FRAS1: variants seen among roughly 807,000 people sequenced by gnomAD.
FRAS1 encodes the protein Fraser extracellular matrix complex subunit 1.
A neutral mutation model predicts 435.2 loss-of-function variants in FRAS1; 290 were observed. The observed-to-expected ratio is 0.67, with a 90% CI of 0.61 to 0.73. FRAS1 has a LOEUF of 0.73. Among genes scored for constraint, FRAS1 ranks in the 30% least tolerant of loss-of-function variants. The pLI is 0.00. For synonymous variants in FRAS1, 1,800 were observed against 1,851.0 expected (o/e 0.97, Z 0.71); for missense variants, 4,860 against 5,001.5 (o/e 0.97, Z 0.85).
Position 78,507,469 on chromosome 4 carries a change from G to T in FRAS1, c.9365G>T (p.Arg3122Leu). ...FKVEILSNEDREWHESFSLVL... is the reference protein window; with the variant it reads ...FKVEILSNEDLEWHESFSLVL... ...GTTGAGATCCTGTCCAATGAAGACC[G>T]GGAATGGCATGAATCTTTCTCACTA... Residue 3122 changes from arginine to leucine, a missense_variant, in exon 62 of 74, where the codon CGG becomes CTG. By Grantham distance (102) the Arg-to-Leu change is moderately radical. Transcript: ENST00000512123. 1 of 1,612,438 alleles carries T rather than the reference G, an allele frequency of 6.2e-7. No individual in the cohort carries two copies. Among genetic ancestry groups the T allele is most frequent in the African/African-American group, 1.3e-5 (1 of 74,952 alleles).
intron 18 of FRAS1, among the ~76,000 whole-genome samples, chr4:78,324,457 AAC>A (rs368625235): frequency 0.027 from 4,062 of 151,990 alleles, 193 homozygotes; most frequent in African/African-American, 0.092. Flanking sequence ...TTGTTTATAT[AAC>A]ACACACACAC....
At chr4:78,065,081 T>TATATATATATATATATACATACACACAC (rs762909923) in intron 1 of FRAS1, among the ~76,000 whole-genome samples, 1 of 125,692 alleles carries the variant, frequency 8.0e-6, no homozygotes, top group Non-Finnish European at 1.7e-5. Context: ...TATATATATA[T>TATATATATATATATATACATACACACAC]ATACATACAC....
At chr4:78,346,330 C>T (rs1321086082) in intron 20 of FRAS1, among the ~76,000 whole-genome samples, 1 of 152,178 alleles carries the variant, frequency 6.6e-6, no homozygotes, top group Non-Finnish European at 1.5e-5. Context: ...ATTCTGGTTG[C>T]AAGCACAGGA....
rs1359368225 is a variant in FRAS1, at chr4:78,200,772, T to C, written c.109-36738T>C. Among the ~76,000 whole-genome samples the C allele has an allele frequency of 3.3e-5, 5 of 150,214 alleles. No homozygotes were observed. The South Asian group carries it at 8.3e-4, about 25-fold the overall frequency. ...TTCAGTATATTTACCTGCATAGTTA[T>C]ATTTTCATCACTCAAAGTAGCTGTA... On this transcript the variant is annotated intron_variant, in intron 2 of 73. Coordinates refer to ENST00000512123, the MANE Select transcript of FRAS1 (RefSeq NM_025074.7).
intron 29 of FRAS1, among the ~76,000 whole-genome samples, chr4:78,398,888 C>T (rs1176682734): frequency 6.6e-6 from 1 of 152,084 alleles, no homozygotes; most frequent in Non-Finnish European, 1.5e-5. Flanking sequence ...GAGGCTGAAT[C>T]AGGGGAATTG....
chr4:78,240,982 T>C (rs765444458), intron 3 of FRAS1, among the ~76,000 whole-genome samples: 3 of 152,152 alleles, frequency 2.0e-5, no homozygotes, highest in Non-Finnish European at 2.9e-5. Context: ...GAACTTAATA[T>C]GGCCCTTCAG....
At chr4:78,124,141 A>G (rs1199948840) in intron 2 of FRAS1, among the ~76,000 whole-genome samples, 5 of 152,216 alleles carry the variant, frequency 3.3e-5, no homozygotes, top group Non-Finnish European at 7.3e-5. Context: ...ATGTTGAGAT[A>G]CATTCCATTG....
At chr4:78,355,201 C>T (rs187857896) in intron 20 of FRAS1, among the ~76,000 whole-genome samples, 2 of 152,108 alleles carry the variant, frequency 1.3e-5, no homozygotes, top group African/African-American at 2.4e-5. Flanking sequence ...TTTCGGGCTA[C>T]CTTGTAATGT....
rs1480020957 is a variant in FRAS1 at position 78,452,296 on chromosome 4, G to T, written c.6705G>T (p.Leu2235Phe). The change falls in exon 47 of 74, where the codon TTG (leucine) becomes TTT (phenylalanine). Residue 2235 changes from leucine to phenylalanine, a missense_variant. By Grantham distance (22) the Leu-to-Phe change is conservative (BLOSUM62 0). Coordinates refer to ENST00000512123, the MANE Select transcript of FRAS1 (RefSeq NM_025074.7). ...ATDQDSGPTE[L>F]IYRITRQPQL... ...ACCAGGACAGTGGGCCTACAGAATT[G>T]ATCTACAGAATCACCAGACAGCCCC... The T allele has an allele frequency of 6.2e-7, 1 of 1,612,730 alleles. No individual in the cohort carries two copies. Among genetic ancestry groups the T allele is most frequent in the African/African-American group, 1.3e-5 (1 of 74,942 alleles).
chr4:78,532,125 C>T (rs964227525), intron 70 of FRAS1, among the ~76,000 whole-genome samples: 2 of 152,204 alleles, frequency 1.3e-5, no homozygotes, highest in Admixed American at 6.5e-5. Flanking sequence ...AAAGTCCTGA[C>T]AGTACAGGTA....
chr4:78,340,495 T>C (rs1423022597), intron 20 of FRAS1, among the ~76,000 whole-genome samples: 4 of 152,240 alleles, frequency 2.6e-5, no homozygotes, highest in Non-Finnish European at 5.9e-5. Context: ...CATTCACTCA[T>C]GTACAGATTC....
At chr4:78,422,080 C>T (rs1733812564) in intron 34 of FRAS1, 80 bp downstream of exon 34, 1 of 1,462,064 alleles carries the variant, frequency 6.8e-7, no homozygotes, top group African/African-American at 1.4e-5. Flanking sequence ...ACTCTCCCTG[C>T]AGTCCTCTGG....
chr4:78,388,245 A>G (rs1732299876), intron 29 of FRAS1, among the ~76,000 whole-genome samples: 2 of 151,826 alleles, frequency 1.3e-5, no homozygotes, highest in Non-Finnish European at 2.9e-5. Flanking sequence ...GAATGGCGTG[A>G]ACCCAGGAGG....
At chr4:78,334,647 G>A (rs547345169) in intron 19 of FRAS1, among the ~76,000 whole-genome samples, 3 of 152,010 alleles carry the variant, frequency 2.0e-5, no homozygotes, top group Non-Finnish European at 4.4e-5. Context: ...GGGATTACAG[G>A]CATGAGCCAC....
intron 2 of FRAS1, among the ~76,000 whole-genome samples, chr4:78,077,726 T>C (rs967983312): frequency 3.3e-5 from 5 of 152,130 alleles, no homozygotes; most frequent in Non-Finnish European, 7.4e-5. Flanking sequence ...GTTTCACTTA[T>C]AAACAGAAAG....
At chr4:78,229,294 CT>C (rs1264661678) in intron 2 of FRAS1, among the ~76,000 whole-genome samples, 3 of 151,560 alleles carry the variant, frequency 2.0e-5, no homozygotes, top group African/African-American at 7.3e-5. Context: ...CAGAGGTGCC[CT>C]CTTTGTCCTT....
At chr4:78,359,598 G>T (rs763882664) in intron 20 of FRAS1, among the ~76,000 whole-genome samples, 4 of 152,068 alleles carry the variant, frequency 2.6e-5, no homozygotes, top group Non-Finnish European at 1.5e-5. Context: ...ATTAACATGG[G>T]TCCCACTCAG....
intron 29 of FRAS1, among the ~76,000 whole-genome samples, chr4:78,399,062 G>A (rs1334333712): frequency 1.3e-5 from 2 of 152,022 alleles, no homozygotes; most frequent in Non-Finnish European, 2.9e-5. Context: ...TCAGAATTCT[G>A]GTGATTATAT....
At chr4:78,354,023 T>TA (rs767987937) in intron 20 of FRAS1, among the ~76,000 whole-genome samples, 4,216 of 106,112 alleles carry the variant, frequency 0.04, 1,528 homozygotes, top group South Asian at 0.11. Flanking sequence ...AAAAATAAAA[T>TA]AAAAAAAAAA....
Sources: allele counts gnomAD v4.1 joint callset (sites outside exome capture counted in the v4.1 genomes callset), GRCh38; gene constraint gnomAD v4.1.1; transcripts MANE v1.5; gene names NCBI Gene and HGNC (gene_info 2026-07-23, HGNC 2026-07-21).